Variants in APP observed in about 807,000 individuals in gnomAD.
APP encodes the protein amyloid-beta precursor protein.
In APP, 31 loss-of-function variants were observed where a neutral mutation model predicts 101.4. The ratio of observed to expected loss-of-function variants is 0.31; its 90% CI spans 0.23 to 0.41. The LOEUF is 0.41. Ranked by LOEUF, APP falls within the 10% of genes least tolerant of loss-of-function variation. The pLI, the probability that APP is intolerant of heterozygous loss-of-function variation, is 1.00. For synonymous variants in APP, 366 were observed against 364.4 expected (o/e 1.00, Z -0.05); for missense variants, 839 against 1,003.7 (o/e 0.84, Z 2.22).
chr21:26,057,965 C>A (rs150190262), intron 3 of APP, among the ~76,000 whole-genome samples: 86 of 152,278 alleles, frequency 5.6e-4, no homozygotes, highest in Middle Eastern at 3.4e-3. Flanking sequence ...GCTGGGAATG[C>A]AGTCAGCGGC....
chr21:25,994,146 A>T (rs1208439994), intron 8 of APP, among the ~76,000 whole-genome samples: 2 of 152,122 alleles, frequency 1.3e-5, no homozygotes, highest in East Asian at 1.9e-4. Flanking sequence ...AAATGGTCAC[A>T]CTCTCATATT....
intron 17 of APP, among the ~76,000 whole-genome samples, chr21:25,886,686 C>T (rs1302304707): frequency 6.6e-6 from 1 of 152,156 alleles, no homozygotes; most frequent in Non-Finnish European, 1.5e-5. Flanking sequence ...TGAGCCACCA[C>T]GCCTGGCCTG....
chr21:26,070,094 T>C (rs562551801), intron 3 of APP, among the ~76,000 whole-genome samples: 11 of 152,128 alleles, frequency 7.2e-5, no homozygotes, highest in Non-Finnish European at 1.2e-4. Flanking sequence ...CAATATCTAA[T>C]AGAATAACAA....
At chr21:25,908,621 T>C (rs112243837) in intron 14 of APP, among the ~76,000 whole-genome samples, 2 of 151,922 alleles carry the variant, frequency 1.3e-5, no homozygotes, top group Admixed American at 6.6e-5. Context: ...TAAGGATACA[T>C]TGTTGAGGCC....
intron 3 of APP, among the ~76,000 whole-genome samples, chr21:26,077,621 A>AT (rs2061522109): frequency 6.6e-6 from 1 of 151,976 alleles, no homozygotes; most frequent in African/African-American, 2.4e-5. Context: ...CATCAATGCC[A>AT]TTTTTTCCTG....
chr21:26,008,707 A>G (rs968817765), intron 6 of APP, among the ~76,000 whole-genome samples: 1 of 152,216 alleles, frequency 6.6e-6, no homozygotes, highest in Non-Finnish European at 1.5e-5. Context: ...TAGGGGCACA[A>G]GTGAACACAT....
chr21:26,136,331 A>G (rs2062916814), intron 1 of APP, among the ~76,000 whole-genome samples: 1 of 152,128 alleles, frequency 6.6e-6, no homozygotes, highest in Admixed American at 6.5e-5. Flanking sequence ...ATATACAGCC[A>G]CCGAGCAATC....
chr21:25,964,284 T>C (rs2041701417), intron 11 of APP, among the ~76,000 whole-genome samples: 1 of 152,206 alleles, frequency 6.6e-6, no homozygotes, highest in Middle Eastern at 3.2e-3. Flanking sequence ...AAAGCCTCCA[T>C]GTACTTCCTC....
intron 2 of APP, among the ~76,000 whole-genome samples, chr21:26,105,135 T>C (rs1430745512): frequency 6.6e-6 from 1 of 151,368 alleles, no homozygotes; most frequent in Non-Finnish European, 1.5e-5. Flanking sequence ...CCGTGAATTT[T>C]CATGGTGCTG....
intron 3 of APP, among the ~76,000 whole-genome samples, chr21:26,084,187 T>C (rs988675258): frequency 6.7e-6 from 1 of 149,620 alleles, no homozygotes; most frequent in Non-Finnish European, 1.5e-5. Flanking sequence ...AAGGAAGTGC[T>C]GCAGTGAGCC....
intron 1 of APP, among the ~76,000 whole-genome samples, chr21:26,160,206 T>G (rs2063462678): frequency 6.6e-6 from 1 of 152,168 alleles, no homozygotes; most frequent in African/African-American, 2.4e-5. Context: ...GAATAAGTGA[T>G]TCCAAAATTG....
At chr21:25,985,428 A>T (rs1234233285) in intron 8 of APP, among the ~76,000 whole-genome samples, 1 of 152,284 alleles carries the variant, frequency 6.6e-6, no homozygotes, top group East Asian at 1.9e-4. Flanking sequence ...TGAGGGTCTG[A>T]AAACAAAAGG....
intron 9 of APP, 30 bp downstream of exon 9, chr21:25,982,314 A>C: frequency 1.2e-6 from 2 of 1,612,858 alleles, no homozygotes; most frequent in Non-Finnish European, 1.7e-6. Flanking sequence ...CCAATATCGT[A>C]GGGCTGAATG....
intron 8 of APP, among the ~76,000 whole-genome samples, chr21:25,987,372 T>C (rs938441600): frequency 3.3e-5 from 5 of 152,232 alleles, no homozygotes; most frequent in Admixed American, 6.5e-5. Context: ...CAGGGTTCAA[T>C]ATCCTTAGCT....
intron 1 of APP, among the ~76,000 whole-genome samples, chr21:26,153,069 CTCTTA>C (rs1450055256): frequency 2.6e-5 from 4 of 152,132 alleles, no homozygotes; most frequent in African/African-American, 4.8e-5. Context: ...CGTATGTTCT[CTCTTA>C]TAAGTGGGAA....
intron 1 of APP, among the ~76,000 whole-genome samples, chr21:26,133,107 G>A (rs1309081259): frequency 6.6e-6 from 1 of 152,086 alleles, no homozygotes; most frequent in African/African-American, 2.4e-5. Context: ...GCATGGTGGT[G>A]CATGCCTGTA....
At position 26,000,082 on chromosome 21, in the gene APP, G is replaced by A. The variant is rs200016837; in HGVS notation, c.966C>T (p.Gly322=). ...TEGKCAPFFY[G]GCGGNRNNFD... Reference sequence around the variant, plus strand: ...AGTTGTTCCGGTTGCCGCCACATCCGCCGTAAAAGAATGGGGCACACTTCC... The same window carrying A: ...AGTTGTTCCGGTTGCCGCCACATCCACCGTAAAAGAATGGGGCACACTTCC... The change falls in exon 7 of 18, where the codon GGC becomes GGT. Residue 322 remains glycine, a synonymous_variant. Transcript: ENST00000346798. 2.3e-5 allele frequency: 37 copies of A among 1,614,126 alleles called. No homozygotes were observed. The highest frequency in any genetic ancestry group is 1.6e-4 in the Middle Eastern group (1 of 6,062).
chr21:26,017,597 T>C (rs923301388), intron 6 of APP, among the ~76,000 whole-genome samples: 5 of 2,140 alleles, frequency 2.3e-3, no homozygotes, highest in Non-Finnish European at 3.4e-3. Context: ...CAACGAATAG[T>C]TGCTGAATAA....
intron 11 of APP, among the ~76,000 whole-genome samples, chr21:25,958,427 C>T (rs181464522): frequency 6.6e-6 from 1 of 152,272 alleles, no homozygotes; most frequent in Admixed American, 6.5e-5. Flanking sequence ...CAGGCACGTG[C>T]CACCATGCTC....
Sources: allele counts gnomAD v4.1 joint callset (sites outside exome capture counted in the v4.1 genomes callset), GRCh38; gene constraint gnomAD v4.1.1; transcripts MANE v1.5; gene names NCBI Gene and HGNC (gene_info 2026-07-23, HGNC 2026-07-21).